Variants in MAP3K5 observed in about 807,000 individuals in gnomAD.
MAP3K5 encodes the protein mitogen-activated protein kinase kinase kinase 5, also known as ASK-1.
A neutral mutation model predicts 158.7 loss-of-function variants in MAP3K5; 56 were observed. That is an observed-to-expected ratio of 0.35 (90% CI 0.28 to 0.44). MAP3K5 has a LOEUF of 0.44. MAP3K5 is among the 20% of genes least tolerant of loss of function. The probability of loss-of-function intolerance (pLI) is 1.00; values close to 1 mark genes in which losing one functional copy is unlikely to be tolerated. For synonymous variants in MAP3K5, 579 were observed against 601.7 expected, an observed-to-expected ratio of 0.96 and a Z score of 0.55; for missense variants, 1,294 against 1,674.8, an observed-to-expected ratio of 0.77 and a Z score of 3.97.
At chr6:136,709,303 T>C (rs757791160) in intron 2 of MAP3K5, among the ~76,000 whole-genome samples, 1 of 152,202 alleles carries the variant, frequency 6.6e-6, no homozygotes, top group Non-Finnish European at 1.5e-5. Context: ...TAGGGGTAGA[T>C]ATATGTAAGA....
rs888617408 is a variant in MAP3K5, at chr6:136,623,075, T to G, written c.2017-94A>C. ...TTTTCCAAGAGCATTATTCCTTATC[T>G]TATCAGATGGCATTAACAGGCTGAA... On this transcript the variant is annotated intron_variant, in intron 14 of 29. Coordinates refer to ENST00000359015, the MANE Select transcript of MAP3K5 (RefSeq NM_005923.4). The G allele has an allele frequency of 2.6e-6, 3 of 1,169,194 alleles. No homozygotes were observed. In the African/African-American group the frequency reaches 4.6e-5, roughly 18 times the overall value. 72.4% of individuals were successfully genotyped at this position (1,169,194 alleles called of 1,614,324 possible).
intron 21 of MAP3K5, among the ~76,000 whole-genome samples, chr6:136,594,513 TG>T (rs1161130486): frequency 6.6e-6 from 1 of 152,182 alleles, no homozygotes; most frequent in Non-Finnish European, 1.5e-5. Flanking sequence ...TAAAGTTAAA[TG>T]TTACTGATGG....
At chr6:136,725,089 T>C (rs1036175681) in intron 1 of MAP3K5, among the ~76,000 whole-genome samples, 24 of 152,336 alleles carry the variant, frequency 1.6e-4, no homozygotes, top group African/African-American at 5.5e-4. Flanking sequence ...GTGAGATTCA[T>C]CCATAGATGT....
chr6:136,645,105 A>T (rs953746691), intron 11 of MAP3K5, among the ~76,000 whole-genome samples: 2 of 151,728 alleles, frequency 1.3e-5, no homozygotes, highest in Non-Finnish European at 2.9e-5. Context: ...ATTTTTTTAA[A>T]TTTTTTTGTA....
At chr6:136,627,291 G>T (rs1777083434) in intron 14 of MAP3K5, among the ~76,000 whole-genome samples, 1 of 151,768 alleles carries the variant, frequency 6.6e-6, no homozygotes, top group South Asian at 2.1e-4. Context: ...CAAAAAAAAA[G>T]TTCAGAGGCT....
intron 8 of MAP3K5, among the ~76,000 whole-genome samples, chr6:136,663,887 A>C (rs567409323): frequency 6.6e-6 from 1 of 152,286 alleles, no homozygotes; most frequent in Non-Finnish European, 1.5e-5. Flanking sequence ...CTGGGATTAC[A>C]GGCATGAGCC....
intron 12 of MAP3K5, 146 bp from the exon 13 acceptor site, chr6:136,639,784 A>T: frequency 1.7e-6 from 1 of 578,814 alleles, no homozygotes; most frequent in Non-Finnish European, 3.1e-6. Flanking sequence ...TTAAAAAGTG[A>T]TACTTCCTGC....
At chr6:136,599,000 G>A (rs185412315) in intron 21 of MAP3K5, among the ~76,000 whole-genome samples, 3 of 152,158 alleles carry the variant, frequency 2.0e-5, no homozygotes, top group East Asian at 1.9e-4. Flanking sequence ...GCGAAACCCC[G>A]TCTTTACTAA....
intron 14 of MAP3K5, among the ~76,000 whole-genome samples, chr6:136,628,246 G>C (rs1431951975): frequency 6.6e-6 from 1 of 151,900 alleles, no homozygotes; most frequent in Non-Finnish European, 1.5e-5. Context: ...TCAACAGCTG[G>C]GACTTCAGGT....
intron 1 of MAP3K5, among the ~76,000 whole-genome samples, chr6:136,787,298 G>A (rs1562707457): frequency 6.6e-6 from 1 of 152,216 alleles, no homozygotes; most frequent in Non-Finnish European, 1.5e-5. Flanking sequence ...TGGGAGCCCA[G>A]CATCCTGGCA....
intron 1 of MAP3K5, among the ~76,000 whole-genome samples, chr6:136,767,176 G>T (rs1249053840): frequency 1.3e-5 from 2 of 152,144 alleles, no homozygotes; most frequent in East Asian, 1.9e-4. Flanking sequence ...TAGGTAAGAG[G>T]TAGATAAGGT....
intron 13 of MAP3K5, among the ~76,000 whole-genome samples, chr6:136,638,323 T>C (rs1437641856): frequency 6.6e-6 from 1 of 152,238 alleles, no homozygotes; most frequent in Admixed American, 6.5e-5. Context: ...AGGCAGAATA[T>C]AACACTCGAC....
At chr6:136,716,991 C>G (rs6909214) in intron 2 of MAP3K5, among the ~76,000 whole-genome samples, 8,992 of 152,006 alleles carry the variant, frequency 0.059, 895 homozygotes, top group African/African-American at 0.21. Flanking sequence ...AACCCCATCT[C>G]TACTAAAAAT....
chr6:136,567,290 T>A (rs1161775969), intron 26 of MAP3K5, among the ~76,000 whole-genome samples: 1 of 152,208 alleles, frequency 6.6e-6, no homozygotes, highest in Admixed American at 6.5e-5. Flanking sequence ...TTCAAAAACA[T>A]GAGCTTTCTG....
At position 136,773,851 on chromosome 6, in the gene MAP3K5, T is replaced by C. The variant is rs538828450; in HGVS notation, c.448+17859A>G. 9.9e-5 allele frequency among the ~76,000 whole-genome samples: 15 copies of C among 152,224 alleles called. No individual in the cohort carries two copies. The East Asian group carries it at 2.9e-3, about 29-fold the overall frequency. On this transcript the variant is annotated intron_variant, in intron 1 of 29. Transcript: ENST00000359015. The stretch of plus-strand genomic sequence containing the variant: ...TTAGTAAAGATGGGGTTTCTCCACG[T>C]TGGCCAGGCTGGTCTCAAACACCTG...
chr6:136,618,068 T>C (rs2129093973), intron 15 of MAP3K5, among the ~76,000 whole-genome samples: 2 of 152,304 alleles, frequency 1.3e-5, no homozygotes, highest in Middle Eastern at 3.4e-3. Flanking sequence ...TTACAACCAC[T>C]TTGATTCTCT....
intron 21 of MAP3K5, among the ~76,000 whole-genome samples, chr6:136,598,403 G>A (rs1008706341): frequency 6.6e-6 from 1 of 152,176 alleles, no homozygotes; most frequent in African/African-American, 2.4e-5. Flanking sequence ...ATACTATGGT[G>A]GAGATGATTT....
At chr6:136,602,338 T>C (rs988844482) in intron 19 of MAP3K5, among the ~76,000 whole-genome samples, 22 of 152,198 alleles carry the variant, frequency 1.4e-4, no homozygotes, top group African/African-American at 5.1e-4. Context: ...TCTCACTCTG[T>C]CACCCAGGCT....
chr6:136,744,254 T>A (rs931594474), intron 1 of MAP3K5, among the ~76,000 whole-genome samples: 1 of 152,100 alleles, frequency 6.6e-6, no homozygotes, highest in Non-Finnish European at 1.5e-5. Context: ...GGAGGCTGTG[T>A]TTGTGGGAGG....
Sources: allele counts gnomAD v4.1 joint callset (sites outside exome capture counted in the v4.1 genomes callset), GRCh38; gene constraint gnomAD v4.1.1; transcripts MANE v1.5; gene names NCBI Gene and HGNC (gene_info 2026-07-23, HGNC 2026-07-21).